The following CSMD1 variants were observed in gnomAD, a reference collection of about 807,000 sequenced individuals.
CSMD1 encodes the protein CUB and Sushi multiple domains 1, also known as CUB and sushi domain-containing protein 1.
Under a neutral mutation model 417.5 loss-of-function variants are expected in CSMD1, and 213 were observed. The ratio of observed to expected loss-of-function variants is 0.51; its 90% CI spans 0.46 to 0.57. The LOEUF (loss-of-function observed/expected upper bound fraction) is 0.57, where lower values mean the gene tolerates loss of function less well. CSMD1 is among the 20% of genes least tolerant of loss of function. The pLI, the probability that CSMD1 is intolerant of heterozygous loss-of-function variation, is 0.00. For synonymous variants in CSMD1, 2,862 were observed against 1,736.8 expected (o/e 1.65, Z -16.11); for missense variants, 6,923 against 4,529.7 (o/e 1.53, Z -15.17).
chr8:3,292,523 C>T (rs779350293), intron 25 of CSMD1, among the ~76,000 whole-genome samples: 1 of 152,034 alleles, frequency 6.6e-6, no homozygotes, highest in Non-Finnish European at 1.5e-5. Context: ...GTATTGGGTA[C>T]ATATATATTT....
chr8:3,356,747 A>C (rs62504813), intron 21 of CSMD1, among the ~76,000 whole-genome samples: 2,241 of 152,330 alleles, frequency 0.015, 19 homozygotes, highest in Middle Eastern at 0.045. Context: ...CCTTATAGAA[A>C]GAGCCCTGGT....
chr8:4,308,449 A>G (rs1218214157), intron 3 of CSMD1, among the ~76,000 whole-genome samples: 1 of 152,076 alleles, frequency 6.6e-6, no homozygotes, highest in Non-Finnish European at 1.5e-5. Flanking sequence ...AAAAAGGTTT[A>G]GAAAAGGATG....
intron 18 of CSMD1, among the ~76,000 whole-genome samples, chr8:3,387,021 G>C (rs1046698011): frequency 2.0e-5 from 3 of 152,186 alleles, no homozygotes; most frequent in Non-Finnish European, 1.5e-5. Context: ...AGCTGCTGAA[G>C]ATCTCCTGAC....
intron 3 of CSMD1, among the ~76,000 whole-genome samples, chr8:4,158,106 G>C (rs1254550100): frequency 2.3e-5 from 3 of 131,478 alleles, no homozygotes; most frequent in Non-Finnish European, 3.2e-5. Context: ...TTTTTTTTCT[G>C]TTTGAGCTTA....
intron 6 of CSMD1, among the ~76,000 whole-genome samples, chr8:3,724,632 C>A (rs888191993): frequency 1.1e-4 from 16 of 152,028 alleles, no homozygotes; most frequent in Non-Finnish European, 2.9e-5. Context: ...TCCCAGTATG[C>A]AGGAAGGACA....
chr8:4,195,470 C>T (rs1305280011), intron 3 of CSMD1, among the ~76,000 whole-genome samples: 1 of 152,190 alleles, frequency 6.6e-6, no homozygotes, highest in East Asian at 1.9e-4. Flanking sequence ...CCTTAATGTG[C>T]TCCTCGTGAG....
intron 49 of CSMD1, among the ~76,000 whole-genome samples, chr8:3,074,704 A>T (rs926280333): frequency 6.6e-5 from 10 of 152,254 alleles, no homozygotes; most frequent in African/African-American, 2.4e-4. Context: ...ATAACTGGTC[A>T]TTGAAATTGC....
intron 4 of CSMD1, among the ~76,000 whole-genome samples, chr8:4,004,309 T>C (rs1394279425): frequency 6.6e-6 from 1 of 152,032 alleles, no homozygotes; most frequent in Non-Finnish European, 1.5e-5. Context: ...TTCTTAATCA[T>C]AGTACGTGTA....
At chr8:4,544,049 G>C (rs1337156645) in intron 2 of CSMD1, among the ~76,000 whole-genome samples, 1 of 151,988 alleles carries the variant, frequency 6.6e-6, no homozygotes, top group African/African-American at 2.4e-5. Flanking sequence ...ATCCGTTTTT[G>C]CAATTACTTT....
intron 25 of CSMD1, among the ~76,000 whole-genome samples, chr8:3,289,128 C>A (rs1803366401): frequency 6.8e-6 from 1 of 147,388 alleles, no homozygotes; most frequent in Non-Finnish European, 1.5e-5. Context: ...TTTCCAGCTT[C>A]ATCCATGTCC....
At chr8:4,185,658 C>T (rs1180095518) in intron 3 of CSMD1, among the ~76,000 whole-genome samples, 1 of 152,140 alleles carries the variant, frequency 6.6e-6, no homozygotes, top group Non-Finnish European at 1.5e-5. Context: ...CACATTTTAA[C>T]ATAGTCACGT....
rs117305730 is a variant in CSMD1, at chr8:4,332,901, T to G, written c.415+87052A>C. On this transcript the variant is annotated intron_variant, in intron 3 of 69. Transcript: ENST00000635120. ...TTTTGAGAAAAACAACACAATGACTTGAAAAGGGTACTTTACTATCACATT... is the reference window on the plus strand; with the variant it reads ...TTTTGAGAAAAACAACACAATGACTGGAAAAGGGTACTTTACTATCACATT... Among the ~76,000 whole-genome samples, 22 of 150,306 alleles carry G rather than the reference T, an allele frequency of 1.5e-4. 1 individual carries two copies. The East Asian group carries it at 4.3e-3, about 30-fold the overall frequency.
chr8:4,741,644 T>G (rs1810611864), intron 1 of CSMD1, among the ~76,000 whole-genome samples: 1 of 151,562 alleles, frequency 6.6e-6, no homozygotes, highest in Non-Finnish European at 1.5e-5. Flanking sequence ...CACACACGAG[T>G]TTACTTAGGA....
intron 1 of CSMD1, among the ~76,000 whole-genome samples, chr8:4,744,622 G>A (rs1256568641): frequency 6.6e-6 from 1 of 152,084 alleles, no homozygotes; most frequent in South Asian, 2.1e-4. Context: ...CATTTTCATA[G>A]GAGCAACTCT....
intron 9 of CSMD1, among the ~76,000 whole-genome samples, chr8:3,585,258 C>A (rs1476731456): frequency 6.6e-6 from 1 of 152,124 alleles, no homozygotes; most frequent in South Asian, 2.1e-4. Flanking sequence ...GCTTGTTGTA[C>A]CTTTTTTAAT....
Position 3,062,557 on chromosome 8 carries a change from TA to T in CSMD1, c.7475-9911del, listed in dbSNP as rs71199533. Reference sequence around the variant, plus strand: ...AAAACAACAACAAAACAAAACACATTAAAAAAAAAAAAGCCCAGCAGCTATG... The same window carrying T: ...AAAACAACAACAAAACAAAACACATTAAAAAAAAAAAGCCCAGCAGCTATG... On this transcript the variant is annotated intron_variant, in intron 49 of 69. Transcript: ENST00000635120. Among the ~76,000 whole-genome samples the T allele has an allele frequency of 1.9e-3, 264 of 140,026 alleles. 1 individual carries two copies. The highest frequency in any genetic ancestry group is 3.9e-3 in the African/African-American group (150 of 38,010). The allele number at this position is 140,026 out of a possible 152,430, so 91.9% of individuals were successfully genotyped here. A position where few individuals can be genotyped will look rare whatever the true frequency, so the allele number is the denominator to read the frequency against.
chr8:3,859,853 G>A (rs1024794230), intron 5 of CSMD1, among the ~76,000 whole-genome samples: 2 of 152,112 alleles, frequency 1.3e-5, no homozygotes, highest in Non-Finnish European at 2.9e-5. Flanking sequence ...AGCCTCCTGG[G>A]TACAGCCTCA....
At chr8:4,439,621 G>C (rs1330842842) in intron 2 of CSMD1, among the ~76,000 whole-genome samples, 2 of 152,094 alleles carry the variant, frequency 1.3e-5, no homozygotes, top group Non-Finnish European at 2.9e-5. Flanking sequence ...TTAAGGTAAA[G>C]TAAAACAGCA....
intron 1 of CSMD1, among the ~76,000 whole-genome samples, chr8:4,806,125 C>T (rs1024004025): frequency 1.3e-5 from 2 of 152,154 alleles, no homozygotes; most frequent in African/African-American, 2.4e-5. Flanking sequence ...CGTTTAATTA[C>T]CTAACTTTCA....
Sources: gnomAD v4.1 joint callset for allele counts (sites outside exome capture counted in the v4.1 genomes callset) on GRCh38, gnomAD v4.1.1 for gene constraint, MANE v1.5 for transcripts, NCBI Gene and HGNC (gene_info 2026-07-23, HGNC 2026-07-21) for gene names.